Variants in ADNP observed in about 807,000 individuals in gnomAD.
ADNP encodes activity-dependent neuroprotector homeobox protein.
Under a neutral mutation model 84.9 loss-of-function variants are expected in ADNP, and 4 were observed. The observed-to-expected ratio is 0.05, with a 90% CI of 0.02 to 0.11. The LOEUF (loss-of-function observed/expected upper bound fraction) is 0.11. ADNP is among the 10% of genes least tolerant of loss of function. The probability of loss-of-function intolerance (pLI) is 1.00; values close to 1 mark genes in which losing one functional copy is unlikely to be tolerated. For missense variants in ADNP, 1,132 were observed against 1,326.0 expected (o/e 0.85, Z 2.27); for synonymous variants, 554 against 468.1 (o/e 1.18, Z -2.37).
At chr20:50,901,901 A>G (rs1982023215) in intron 5 of ADNP, 116 bp downstream of exon 5, 1 of 822,332 alleles carries the variant, frequency 1.2e-6, no homozygotes. Flanking sequence ...TGCAATTTTG[A>G]CACTTTCGAT....
chr20:50,920,201 C>T (rs751220593), intron 2 of ADNP, among the ~76,000 whole-genome samples: 89 of 142,112 alleles, frequency 6.3e-4, no homozygotes, highest in Non-Finnish European at 1.2e-3. Context: ...TGCTTGAATC[C>T]GGGAGGCGGA....
At chr20:50,900,934 T>A (rs890451247) in intron 5 of ADNP, among the ~76,000 whole-genome samples, 2 of 152,184 alleles carry the variant, frequency 1.3e-5, no homozygotes, top group Non-Finnish European at 2.9e-5. Flanking sequence ...CTGCTTTGAT[T>A]CAAATCAAGA....
intron 4 of ADNP, 73 bp from the exon 5 acceptor site, chr20:50,902,182 A>C: frequency 1.9e-4 from 214 of 1,103,022 alleles, no homozygotes; most frequent in Non-Finnish European, 2.7e-4. Context: ...TGTAAATCTC[A>C]CCTCTTAACT....
chr20:50,927,060 AAAT>A (rs931600094), intron 2 of ADNP, among the ~76,000 whole-genome samples: 4 of 152,226 alleles, frequency 2.6e-5, no homozygotes, highest in African/African-American at 9.6e-5. Context: ...AATCAAATAT[AAAT>A]AATAAGCCAT....
rs1482337806 is a variant in ADNP at position 50,931,217 on chromosome 20, C to CGGGAGG, written c.-662_-657dup. 2 of 96,792 alleles carry CGGGAGG rather than the reference C, an allele frequency of 2.1e-5. No homozygotes were observed. The highest frequency in any genetic ancestry group is 3.9e-5 in the African/African-American group (1 of 25,662). 6.0% of individuals were successfully genotyped at this position (96,792 alleles called of 1,614,324 possible). On this transcript the variant is annotated 5_prime_UTR_variant, in exon 1 of 6. Transcript: ENST00000621696. ...CCAAAATCCCCCTTAGCGCTGCCTGCGGGAGGGGGAGGGGGCACAAGATGG... is the reference window on the plus strand; with the variant it reads ...CCAAAATCCCCCTTAGCGCTGCCTGCGGGAGGGGGAGGGGGAGGGGGCACAAGATGG...
rs3069819 is a variant in ADNP at position 50,909,363 on chromosome 20, C to CAAAAAAAAAAAAAAAAAAAAAAAAAAA, written c.-89-4541_-89-4515dup. The CAAAAAAAAAAAAAAAAAAAAAAAAAAA allele has an allele frequency of 2.3e-4, 10 of 44,354 alleles. 1 individual carries two copies. The highest frequency in any genetic ancestry group is 0.028 in the Middle Eastern group (1 of 36). 2.7% of individuals were successfully genotyped at this position (44,354 alleles called of 1,614,324 possible). A position where few individuals can be genotyped will look rare whatever the true frequency, so the allele number is the denominator to read the frequency against. On this transcript the variant is annotated intron_variant, in intron 2 of 5. Transcript: ENST00000621696. ...GTGGGCGACAAGAGTAAAACTGTCT[C>CAAAAAAAAAAAAAAAAAAAAAAAAAAA]AAAAAAAAAAAAAAAAAAAAAAAAA... is the stretch of plus-strand genomic sequence containing the variant.
At chr20:50,925,086 T>C (rs572324112) in intron 2 of ADNP, among the ~76,000 whole-genome samples, 1 of 152,046 alleles carries the variant, frequency 6.6e-6, no homozygotes, top group Admixed American at 6.6e-5. Context: ...GTGAGTGAAA[T>C]CTCAAGGAAC....
intron 5 of ADNP, among the ~76,000 whole-genome samples, chr20:50,896,418 C>T (rs1286335962): frequency 6.6e-6 from 1 of 152,118 alleles, no homozygotes; most frequent in East Asian, 1.9e-4. Context: ...GGTGAAACCT[C>T]ATCTCTACTA....
chr20:50,907,100 TG>T (rs1982559021), intron 2 of ADNP, among the ~76,000 whole-genome samples: 1 of 151,446 alleles, frequency 6.6e-6, no homozygotes, highest in Admixed American at 6.6e-5. Context: ...CCTGAGTAGC[TG>T]GGACTACAGG....
chr20:50,912,369 C>T (rs1014977922), intron 2 of ADNP, among the ~76,000 whole-genome samples: 3 of 152,098 alleles, frequency 2.0e-5, no homozygotes, highest in Non-Finnish European at 2.9e-5. Flanking sequence ...AGGCTGGTCT[C>T]GAACTCCTGA....
intron 5 of ADNP, among the ~76,000 whole-genome samples, chr20:50,900,675 C>G (rs1278537968): frequency 6.6e-6 from 1 of 152,180 alleles, no homozygotes; most frequent in Non-Finnish European, 1.5e-5. Flanking sequence ...AAATTCAGGG[C>G]CCACGATGTT....
In ADNP at chr20:50,924,296, C is replaced by T. The variant is rs116781060; in HGVS notation, c.-90+4355G>A. ...ATATGCTACTCCAATTAACTGCCAC[C>T]TGCACAATTTACACCCATACTCTCC... is the stretch of plus-strand genomic sequence containing the variant. On this transcript the variant is annotated intron_variant, in intron 2 of 5. Coordinates refer to ENST00000621696, the MANE Select transcript of ADNP (RefSeq NM_001282531.3). Among the ~76,000 whole-genome samples the T allele has an allele frequency of 2.3e-3, 345 of 152,328 alleles. 1 individual carries two copies. The highest frequency in any genetic ancestry group is 7.9e-3 in the African/African-American group (330 of 41,578).
intron 2 of ADNP, among the ~76,000 whole-genome samples, chr20:50,917,399 G>C (rs1028564939): frequency 6.6e-6 from 1 of 152,180 alleles, no homozygotes; most frequent in Admixed American, 6.5e-5. Context: ...TCACCATGGA[G>C]GCCAAGAGTC....
chr20:50,927,399 T>A (rs1984361789), intron 2 of ADNP, among the ~76,000 whole-genome samples: 1 of 152,170 alleles, frequency 6.6e-6, no homozygotes, highest in African/African-American at 2.4e-5. Context: ...TCTCAGGAAA[T>A]TTTTCAACAA....
chr20:50,903,293 C>T (rs1982162026), intron 4 of ADNP, among the ~76,000 whole-genome samples: 1 of 152,092 alleles, frequency 6.6e-6, no homozygotes, highest in Non-Finnish European at 1.5e-5. Context: ...TGTTATAAAG[C>T]TCATAGAATA....
chr20:50,892,244 G>A lies in ADNP; in HGVS notation c.2470C>T (p.Leu824=). 1 of 1,614,074 alleles carries A rather than the reference G, an allele frequency of 6.2e-7. No individual in the cohort carries two copies. Among genetic ancestry groups the A allele is most frequent in the Non-Finnish European group, 8.5e-7 (1 of 1,180,028 alleles). The part of the protein sequence containing the change: ...DCEKYKPGVL[L]GFNMKELNKV... ...TTTAATTCTTTCATGTTAAACCCCA[G>A]CAACACGCCAGGCTTGTACTTTTCA... is the stretch of plus-strand genomic sequence containing the variant. The change falls in exon 6 of 6, where the codon CTG becomes TTG. Residue 824 remains leucine (L), a synonymous_variant. Coordinates refer to ENST00000621696, the MANE Select transcript of ADNP (RefSeq NM_001282531.3).
rs1460266557 is a variant in ADNP, at chr20:50,890,933, TAA to T, written c.*470_*471del. 1 of 987,306 alleles carries T rather than the reference TAA, an allele frequency of 1.0e-6. No individual in the cohort carries two copies. Among genetic ancestry groups the T allele is most frequent in the Non-Finnish European group, 1.2e-6 (1 of 831,372 alleles). 61.2% of individuals were successfully genotyped at this position (987,306 alleles called of 1,614,324 possible). A position where few individuals can be genotyped will look rare whatever the true frequency, so the allele number is the denominator to read the frequency against. The stretch of plus-strand genomic sequence containing the variant: ...ATCATGAGCATCACTTGAATAGGTC[TAA>T]AAGACTGTACAAATATACATTTCAA... On this transcript the variant is annotated 3_prime_UTR_variant, in exon 6 of 6. Transcript: ENST00000621696.
rs775080260 is a variant in ADNP at position 50,896,620 on chromosome 20, A to G, written c.202-2108T>C. ...CTTAAAAGCTAAGACACAAACGCATACGTTAGTCTAGGCCTACAGAGAGTC... is the reference window on the plus strand; with the variant it reads ...CTTAAAAGCTAAGACACAAACGCATGCGTTAGTCTAGGCCTACAGAGAGTC... On this transcript the variant is annotated intron_variant, in intron 5 of 5. Transcript: ENST00000621696. 2.6e-5 allele frequency among the ~76,000 whole-genome samples: 4 copies of G among 152,330 alleles called. No individual in the cohort carries two copies. In the East Asian group the frequency reaches 7.7e-4, roughly 29 times the overall value.
At position 50,914,389 on chromosome 20, in the gene ADNP, T is replaced by C. The variant is rs8123832; in HGVS notation, c.-89-9540A>G. 5,878 of 587,444 alleles carry C rather than the reference T, an allele frequency of 0.01. 299 individuals are homozygous for C. The African/African-American group carries it at 0.1, about 10-fold the overall frequency. 36.4% of individuals were successfully genotyped at this position (587,444 alleles called of 1,614,324 possible). Reference sequence around the variant, plus strand: ...CTGGGTTTAGTACTCAAGAGAATGGTAGAAGGTTAAACAGCTTGGATTTCT... The same window carrying C: ...CTGGGTTTAGTACTCAAGAGAATGGCAGAAGGTTAAACAGCTTGGATTTCT... On this transcript the variant is annotated intron_variant, in intron 2 of 5. Transcript: ENST00000621696.
Sources: gnomAD v4.1 joint callset for allele counts (sites outside exome capture counted in the v4.1 genomes callset) on GRCh38, gnomAD v4.1.1 for gene constraint, MANE v1.5 for transcripts, NCBI Gene and HGNC (gene_info 2026-07-23, HGNC 2026-07-21) for gene names.